MROH2B: variants seen among roughly 807,000 people sequenced by gnomAD.
MROH2B encodes the protein maestro heat-like repeat-containing protein family member 2B.
In MROH2B, 177 loss-of-function variants were observed where a neutral mutation model predicts 208.6. The ratio of observed to expected loss-of-function variants is 0.85; its 90% CI spans 0.75 to 0.96. The LOEUF is 0.96. Ranked by LOEUF, MROH2B falls within the 40% of genes least tolerant of loss-of-function variation. The pLI, the probability that MROH2B is intolerant of heterozygous loss-of-function variation, is 0.00. For synonymous variants in MROH2B, 728 were observed against 659.0 expected, an observed-to-expected ratio of 1.10 and a Z score of -1.60; for missense variants, 2,002 against 1,878.7, an observed-to-expected ratio of 1.07 and a Z score of -1.21.
intron 29 of MROH2B, 84 bp from the exon 30 acceptor site, chr5:41,012,819 T>C (rs1741816804): frequency 3.2e-6 from 5 of 1,540,172 alleles, no homozygotes; most frequent in Admixed American, 3.8e-5. Context: ...GTGGTTTGTT[T>C]TGGGTATTAG....
intron 21 of MROH2B, 85 bp from the exon 22 acceptor site, chr5:41,033,949 A>C: frequency 7.0e-7 from 1 of 1,432,278 alleles, no homozygotes; most frequent in African/African-American, 1.4e-5. Flanking sequence ...TCACCCATCA[A>C]CCTGAAGGAC....
chr5:41,044,205 G>A lies in MROH2B; in HGVS notation c.1836+1541C>T, dbSNP rs145306329. Among the ~76,000 whole-genome samples the A allele has an allele frequency of 9.7e-3, 1,451 of 150,346 alleles. 7 individuals are homozygous for A. The highest frequency in any genetic ancestry group is 0.014 in the Middle Eastern group (4 of 294). ...GCAGAGGTTGCAGTGGTCCGAGATCGTGCCACCGCACTCCAGCCTGGGTGA... is the reference window on the plus strand; with the variant it reads ...GCAGAGGTTGCAGTGGTCCGAGATCATGCCACCGCACTCCAGCCTGGGTGA... On this transcript the variant is annotated intron_variant, in intron 18 of 41. Coordinates refer to ENST00000399564, the MANE Select transcript of MROH2B (RefSeq NM_173489.5).
chr5:41,067,615 G>A (rs1743852765), intron 2 of MROH2B, among the ~76,000 whole-genome samples: 1 of 152,114 alleles, frequency 6.6e-6, no homozygotes, highest in Non-Finnish European at 1.5e-5. Flanking sequence ...TGATCCACTT[G>A]CCTCGGTCTC....
In MROH2B at chr5:41,009,917, T is replaced by C; in HGVS notation, c.3293+5A>G. ...GGAGAAGGAATCAGTTCAATAAGGA[T>C]CTACCTGTCAAAAGGCAGAGGCTTC... On this transcript the variant is annotated splice_donor_5th_base_variant and intron_variant, in intron 31 of 41. Coordinates refer to ENST00000399564, the MANE Select transcript of MROH2B (RefSeq NM_173489.5). The C allele has an allele frequency of 6.2e-7, 1 of 1,612,972 alleles. No homozygotes were observed. The highest frequency in any genetic ancestry group is 1.1e-5 in the South Asian group (1 of 90,946).
chr5:41,016,160 ACTT>A (rs1289559895), intron 28 of MROH2B, among the ~76,000 whole-genome samples: 4 of 152,088 alleles, frequency 2.6e-5, no homozygotes, highest in South Asian at 4.1e-4. Context: ...GTAACTGAAA[ACTT>A]CTTAATTTCA....
chr5:41,013,687 G>A (rs183291747), intron 29 of MROH2B, among the ~76,000 whole-genome samples: 3 of 152,296 alleles, frequency 2.0e-5, no homozygotes, highest in African/African-American at 4.8e-5. Context: ...GGTTGTCCAA[G>A]CTTCATGGTT....
At chr5:41,009,185 T>A in intron 32 of MROH2B, 95 bp downstream of exon 32, 3 of 1,481,278 alleles carry the variant, frequency 2.0e-6, no homozygotes, top group Non-Finnish European at 2.8e-6. Context: ...AAGAAGGAGG[T>A]GTCATTAATG....
chr5:41,038,553 C>T (rs1021284053), intron 21 of MROH2B, among the ~76,000 whole-genome samples, 183 bp downstream of exon 21: 2 of 152,118 alleles, frequency 1.3e-5, no homozygotes, highest in African/African-American at 2.4e-5. Flanking sequence ...CTGCAAAACA[C>T]GTTTTATTCT....
chr5:41,022,380 A>C (rs761259062), intron 24 of MROH2B, among the ~76,000 whole-genome samples: 2 of 152,212 alleles, frequency 1.3e-5, no homozygotes, highest in African/African-American at 2.4e-5. Flanking sequence ...TGGTCTTAGC[A>C]AATGGCACAC....
chr5:41,011,044 A>G (rs1482390451), intron 30 of MROH2B, among the ~76,000 whole-genome samples: 1 of 152,206 alleles, frequency 6.6e-6, no homozygotes, highest in Non-Finnish European at 1.5e-5. Context: ...AATAAAAGAA[A>G]GATGACTTGA....
intron 4 of MROH2B, 95 bp from the exon 5 acceptor site, chr5:41,064,665 A>G: frequency 1.2e-6 from 1 of 848,220 alleles, no homozygotes. Flanking sequence ...TCAGGGCTGC[A>G]CGGAGGAGGC....
intron 19 of MROH2B, 51 bp downstream of exon 19, chr5:41,042,041 T>G: frequency 1.0e-6 from 1 of 985,802 alleles, no homozygotes; most frequent in Non-Finnish European, 1.6e-6. Flanking sequence ...GTGGATAGGA[T>G]TAGTTGTGTT....
At chr5:41,040,910 C>A (rs1362117712) in intron 19 of MROH2B, among the ~76,000 whole-genome samples, 1 of 152,070 alleles carries the variant, frequency 6.6e-6, no homozygotes, top group African/African-American at 2.4e-5. Flanking sequence ...CGTGATCTGC[C>A]TGCCTCAGCC....
chr5:41,000,870 T>C, intron 37 of MROH2B, 37 bp from the exon 38 acceptor site: 1 of 1,581,140 alleles, frequency 6.3e-7, no homozygotes, highest in East Asian at 2.3e-5. Context: ...GAATATCCTC[T>C]CAGAGGCCAT....
At position 41,007,456 on chromosome 5, in the gene MROH2B, TA is replaced by T; in HGVS notation, c.3609-3del. On this transcript the variant is annotated splice_polypyrimidine_tract_variant and splice_region_variant and intron_variant, in intron 33 of 41. Coordinates refer to ENST00000399564, the MANE Select transcript of MROH2B (RefSeq NM_173489.5). ...CATTTTAAAGTAGCAGTTGAAAGCC[TA>T]AAGGAGACAGTCAGCATTACAAAAC... 1 of 1,563,030 alleles carries T rather than the reference TA, an allele frequency of 6.4e-7. No homozygotes were observed. Among genetic ancestry groups the T allele is most frequent in the South Asian group, 1.2e-5 (1 of 81,638 alleles).
Position 41,005,424 on chromosome 5 carries a change from C to CT in MROH2B, c.3864+106_3864+107insA, listed in dbSNP as rs1281694378. Reference sequence around the variant, plus strand: ...CTCTCCTCTATGAAACCCCCCCCCCCCTTGAAGTCTCTCTTCCCTGGTTCC... The same window carrying CT: ...CTCTCCTCTATGAAACCCCCCCCCCCTCTTGAAGTCTCTCTTCCCTGGTTCC... On this transcript the variant is annotated intron_variant, in intron 35 of 41. Coordinates refer to ENST00000399564, the MANE Select transcript of MROH2B (RefSeq NM_173489.5). 13 of 259,606 alleles carry CT rather than the reference C, an allele frequency of 5.0e-5. 1 individual carries two copies. The highest frequency in any genetic ancestry group is 7.3e-5 in the Non-Finnish European group (10 of 136,598). 16.1% of individuals were successfully genotyped at this position (259,606 alleles called of 1,614,324 possible). A position where few individuals can be genotyped will look rare whatever the true frequency, so the allele number is the denominator to read the frequency against.
chr5:41,067,099 C>T lies in MROH2B; in HGVS notation c.201+9G>A, dbSNP rs1349985420. ...AAAGACCCTTTTCACCATCATGAACCAAACTTACATTGTTGTCTCTCATAT... is the reference window on the plus strand; with the variant it reads ...AAAGACCCTTTTCACCATCATGAACTAAACTTACATTGTTGTCTCTCATAT... On this transcript the variant is annotated intron_variant, in intron 3 of 41. Coordinates refer to ENST00000399564, the MANE Select transcript of MROH2B (RefSeq NM_173489.5). The T allele has an allele frequency of 6.6e-7, 1 of 1,526,126 alleles. No individual in the cohort carries two copies. Among genetic ancestry groups the T allele is most frequent in the Admixed American group, 2.0e-5 (1 of 51,008 alleles). The allele number at this position is 1,526,126 out of a possible 1,614,324, so 94.5% of individuals were successfully genotyped here.
Position 41,043,642 on chromosome 5 carries a change from A to G in MROH2B, c.1837-1434T>C, listed in dbSNP as rs573214627. 7.0e-4 allele frequency among the ~76,000 whole-genome samples: 107 copies of G among 152,326 alleles called. 1 individual carries two copies. Among genetic ancestry groups the G allele is most frequent in the South Asian group, 4.6e-3 (22 of 4,824 alleles). On this transcript the variant is annotated intron_variant, in intron 18 of 41. Transcript: ENST00000399564. The stretch of plus-strand genomic sequence containing the variant: ...AAGAAATTAGAAGCCTAGCATTGGG[A>G]GAAAATGTGGTAGAGTGCAAAAATA...
At chr5:41,051,831 A>G (rs935424281) in intron 12 of MROH2B, among the ~76,000 whole-genome samples, 7 of 152,168 alleles carry the variant, frequency 4.6e-5, no homozygotes, top group Admixed American at 1.3e-4. Context: ...TCCTTTCTAT[A>G]TGGTGTTTTT....
Sources: gnomAD v4.1 joint callset for allele counts (sites outside exome capture counted in the v4.1 genomes callset) on GRCh38, gnomAD v4.1.1 for gene constraint, MANE v1.5 for transcripts, NCBI Gene and HGNC (gene_info 2026-07-23, HGNC 2026-07-21) for gene names.